The following CC2D2B variants were observed in gnomAD, a reference collection of about 807,000 sequenced individuals.
The protein encoded by CC2D2B is coiled-coil and C2 domain containing 2B, also known as protein CC2D2B.
CC2D2B carries 128 observed loss-of-function variants against 161.2 expected under a neutral mutation model. The ratio of observed to expected loss-of-function variants is 0.79; its 90% CI spans 0.69 to 0.92. The LOEUF (loss-of-function observed/expected upper bound fraction) is 0.92, where lower values mean the gene tolerates loss of function less well. Ranked by LOEUF, CC2D2B falls within the 40% of genes least tolerant of loss-of-function variation. The pLI, the probability that CC2D2B is intolerant of heterozygous loss-of-function variation, is 0.00. For missense variants in CC2D2B, 1,173 were observed against 1,375.1 expected (o/e 0.85, Z 2.32); for synonymous variants, 391 against 449.8 (o/e 0.87, Z 1.65).
chr10:95,996,146 A>G lies in CC2D2B; in HGVS notation c.2743A>G (p.Thr915Ala). 7.0e-7 allele frequency: 1 copy of G among 1,421,694 alleles called. No individual in the cohort carries two copies. The highest frequency in any genetic ancestry group is 2.5e-5 in the East Asian group (1 of 39,848). 88.1% of individuals were successfully genotyped at this position (1,421,694 alleles called of 1,614,324 possible). ...VASDETLHED[T>A]VHPFVEVSFQ... ...CAATGTTTATTATGTGTTTCAGGATACTGTACATCCATTCGTGGAAGTTTC... is the reference window on the plus strand; with the variant it reads ...CAATGTTTATTATGTGTTTCAGGATGCTGTACATCCATTCGTGGAAGTTTC... The change falls in exon 24 of 35, where the codon ACT (threonine) becomes GCT (alanine). Residue 915 changes from threonine (T) to alanine (A), a missense_variant. Physicochemically the swap from Thr to Ala is moderately conservative, Grantham distance 58. Around this residue, in one of 3 missense-constraint regions of CC2D2B, gnomAD observed 598 missense variants for 693.2 expected, o/e 0.86. Coordinates refer to ENST00000646931, the MANE Select transcript of CC2D2B (RefSeq NM_001349008.3).
chr10:95,998,936 T>C (rs1174907618), intron 24 of CC2D2B, among the ~76,000 whole-genome samples: 1 of 151,930 alleles, frequency 6.6e-6, no homozygotes. Flanking sequence ...GCCAAGATGG[T>C]GAGCTGTGCT....
chr10:95,984,313 A>T (rs1243913750), intron 19 of CC2D2B, among the ~76,000 whole-genome samples: 1 of 152,160 alleles, frequency 6.6e-6, no homozygotes, highest in East Asian at 1.9e-4. Context: ...AGTTGCTTTA[A>T]GTTTGCTACT....
chr10:96,010,875 C>T (rs760115152), intron 26 of CC2D2B, among the ~76,000 whole-genome samples: 18 of 152,138 alleles, frequency 1.2e-4, no homozygotes, highest in Non-Finnish European at 1.9e-4. Context: ...TGTGTCCTGA[C>T]ACCCAATTTC....
Position 96,019,188 on chromosome 10 carries a change from TTTTTTCTCATAC to T in CC2D2B, c.3631-14_3631-3del. ...TTTAAATCCACCAAAAATTACTTTC[TTTTTTCTCATAC>T]AGGGGCATGTGGCTTATGTAGTAAC... On this transcript the variant is annotated splice_polypyrimidine_tract_variant and splice_region_variant and intron_variant, in intron 30 of 34. Transcript: ENST00000646931. The T allele has an allele frequency of 1.3e-6, 2 of 1,558,406 alleles. No individual in the cohort carries two copies. The highest frequency in any genetic ancestry group is 1.7e-6 in the Non-Finnish European group (2 of 1,157,374).
At chr10:95,937,865 A>G in intron 6 of CC2D2B, 126 bp from the exon 7 acceptor site, 1 of 630,074 alleles carries the variant, frequency 1.6e-6, no homozygotes, top group Non-Finnish European at 2.8e-6. Flanking sequence ...TTCAACTGGA[A>G]CTTGTTCTGT....
chr10:95,940,603 A>C (rs2075987771), intron 9 of CC2D2B, among the ~76,000 whole-genome samples: 2 of 152,180 alleles, frequency 1.3e-5, no homozygotes, highest in Non-Finnish European at 2.9e-5. Context: ...ATTTCATTTC[A>C]TCCACATGGA....
rs1462877609 is a variant in CC2D2B, at chr10:96,019,274, T to G, written c.3702T>G (p.Cys1234Trp). 1 of 1,613,348 alleles carries G rather than the reference T, an allele frequency of 6.2e-7. No individual in the cohort carries two copies. The highest frequency in any genetic ancestry group is 8.5e-7 in the Non-Finnish European group (1 of 1,179,566). ...YLLWNPSTGQCYKQFDPFCPL... is the reference protein window; with the variant it reads ...YLLWNPSTGQWYKQFDPFCPL... ...TTTGGAATCCATCAACTGGCCAATGTTATAAGCAGTTTGACCCGTTTTGTC... is the reference window on the plus strand; with the variant it reads ...TTTGGAATCCATCAACTGGCCAATGGTATAAGCAGTTTGACCCGTTTTGTC... Residue 1234 changes from cysteine (C) to tryptophan (W), a missense_variant, in exon 31 of 35, where the codon TGT (cysteine) becomes TGG (tryptophan). Cys to Trp is a radical substitution (Grantham distance 215). Transcript: ENST00000646931.
intron 24 of CC2D2B, among the ~76,000 whole-genome samples, chr10:95,996,697 A>G (rs578152259): frequency 6.6e-6 from 1 of 152,318 alleles, no homozygotes; most frequent in South Asian, 2.1e-4. Flanking sequence ...CTTTATATAA[A>G]TTGAGTTATA....
At chr10:95,994,128 A>G (rs1052539286) in intron 22 of CC2D2B, among the ~76,000 whole-genome samples, 3 of 150,930 alleles carry the variant, frequency 2.0e-5, no homozygotes, top group Non-Finnish European at 4.4e-5. Context: ...ACTACCACCA[A>G]GATGCAGAGA....
intron 9 of CC2D2B, 39 bp from the exon 10 acceptor site, chr10:95,949,857 G>T: frequency 2.5e-6 from 1 of 398,064 alleles, no homozygotes; most frequent in South Asian, 1.3e-4. Flanking sequence ...AAAAGAAACT[G>T]AATCAAATTA....
Position 95,938,888 on chromosome 10 carries a change from A to G in CC2D2B, c.764A>G (p.Glu255Gly), listed in dbSNP as rs1410947716. 5.6e-6 allele frequency: 4 copies of G among 714,598 alleles called. No individual in the cohort carries two copies. The highest frequency in any genetic ancestry group is 1.0e-5 in the Non-Finnish European group (4 of 384,048). 44.3% of individuals were successfully genotyped at this position (714,598 alleles called of 1,614,324 possible). A position where few individuals can be genotyped will look rare whatever the true frequency, so the allele number is the denominator to read the frequency against. Residue 255 changes from glutamate to glycine, a missense_variant, in exon 9 of 35, where the codon GAA (glutamate) becomes GGA (glycine). Glu to Gly is a moderately conservative substitution (Grantham distance 98). Coordinates refer to ENST00000646931, the MANE Select transcript of CC2D2B (RefSeq NM_001349008.3). The part of the protein sequence containing the change: ...SWNFRLNVRK[E>G]PLNPLLKTIY... ...AATTTCAGACTAAATGTAAGGAAGG[A>G]ACCTTTAAATCCATTACTTAAGACC... is the stretch of plus-strand genomic sequence containing the variant.
At chr10:96,011,795 C>T (rs2079004814) in intron 26 of CC2D2B, among the ~76,000 whole-genome samples, 1 of 151,792 alleles carries the variant, frequency 6.6e-6, no homozygotes, top group Admixed American at 6.6e-5. Flanking sequence ...CTACTGTGGA[C>T]CTCAGGGTTG....
intron 33 of CC2D2B, among the ~76,000 whole-genome samples, chr10:96,025,140 C>A (rs2141951325): frequency 9.8e-6 from 1 of 101,558 alleles, no homozygotes; most frequent in Admixed American, 1.1e-4. Context: ...GAGACGTCAT[C>A]TCTACTAAAA....
intron 4 of CC2D2B, 97 bp downstream of exon 4, chr10:95,924,487 G>A: frequency 1.5e-6 from 1 of 647,216 alleles, no homozygotes; most frequent in Non-Finnish European, 2.6e-6. Flanking sequence ...GAAATTCAGT[G>A]TTAATATAGC....
At chr10:95,926,834 G>C (rs1160926826) in intron 5 of CC2D2B, among the ~76,000 whole-genome samples, 2 of 137,884 alleles carry the variant, frequency 1.5e-5, no homozygotes, top group Admixed American at 7.7e-5. Context: ...GTGTGTGTGT[G>C]TGTGTGTGTG....
At chr10:95,986,933 T>C (rs149680822) in intron 19 of CC2D2B, among the ~76,000 whole-genome samples, 140 of 152,252 alleles carry the variant, frequency 9.2e-4, no homozygotes, top group Admixed American at 1.4e-3. Flanking sequence ...ATTAAAAACC[T>C]ACAGATTAGA....
At chr10:96,013,176 C>T (rs991922532) in intron 28 of CC2D2B, among the ~76,000 whole-genome samples, 7 of 152,092 alleles carry the variant, frequency 4.6e-5, no homozygotes, top group African/African-American at 1.7e-4. Context: ...GAACTTTCTA[C>T]GTTAACACAT....
chr10:96,027,880 C>G (rs1014454232), intron 34 of CC2D2B, among the ~76,000 whole-genome samples: 6 of 152,150 alleles, frequency 3.9e-5, no homozygotes, highest in African/African-American at 1.4e-4. Flanking sequence ...AGAACATACA[C>G]TGGGGAAAAT....
chr10:95,955,914 A>G (rs113604653), intron 11 of CC2D2B, among the ~76,000 whole-genome samples: 13 of 152,314 alleles, frequency 8.5e-5, no homozygotes, highest in African/African-American at 2.9e-4. Context: ...GTTGGGAGCC[A>G]TTGGCTTATA....
Sources: gnomAD v4.1 joint callset for allele counts (sites outside exome capture counted in the v4.1 genomes callset) on GRCh38, gnomAD v4.1.1 for gene constraint, gnomAD v4.1.1 regional missense constraint, MANE v1.5 for transcripts, NCBI Gene and HGNC (gene_info 2026-07-23, HGNC 2026-07-21) for gene names.